The following AGO3 variants were observed in gnomAD, a reference collection of about 807,000 sequenced individuals.
AGO3 encodes protein argonaute-3.
A neutral mutation model predicts 105.5 loss-of-function variants in AGO3; 16 were observed. The observed-to-expected ratio is 0.15, with a 90% CI of 0.10 to 0.23. AGO3 has a LOEUF of 0.23. AGO3 is among the 10% of genes least tolerant of loss of function. AGO3 has a pLI of 1.00. For missense variants in AGO3, 534 were observed against 1,088.0 expected, an observed-to-expected ratio of 0.49 and a Z score of 7.16; for synonymous variants, 340 against 367.3, an observed-to-expected ratio of 0.93 and a Z score of 0.85.
intron 5 of AGO3, among the ~76,000 whole-genome samples, chr1:35,995,962 A>G (rs1639776889): frequency 6.6e-6 from 1 of 152,196 alleles, no homozygotes; most frequent in East Asian, 1.9e-4. Flanking sequence ...TACAGGCATA[A>G]GCCACTGCAC....
intron 5 of AGO3, among the ~76,000 whole-genome samples, chr1:35,977,381 C>T (rs749268650): frequency 3.6e-4 from 53 of 145,838 alleles, no homozygotes; most frequent in Admixed American, 1.4e-3. Flanking sequence ...TAGTTTCTAT[C>T]GTTATTATGA....
At chr1:36,026,980 T>C in intron 11 of AGO3, 134 bp from the exon 12 acceptor site, 8 of 972,278 alleles carry the variant, frequency 8.2e-6, no homozygotes, top group Non-Finnish European at 1.2e-5. Flanking sequence ...ACATCAGTAG[T>C]CTGGTGACCT....
intron 2 of AGO3, among the ~76,000 whole-genome samples, chr1:35,962,276 G>T (rs1646690616): frequency 6.6e-6 from 1 of 152,136 alleles, no homozygotes; most frequent in Admixed American, 6.5e-5. Flanking sequence ...AGGCGCCGTG[G>T]CTCACACCTG....
chr1:36,045,864 A>G (rs1642448466), intron 17 of AGO3, among the ~76,000 whole-genome samples: 1 of 152,074 alleles, frequency 6.6e-6, no homozygotes, highest in South Asian at 2.1e-4. Flanking sequence ...TTTTAATGAA[A>G]ATAACTGAGG....
chr1:36,026,335 T>C (rs1641501629), intron 11 of AGO3, among the ~76,000 whole-genome samples: 1 of 152,076 alleles, frequency 6.6e-6, no homozygotes, highest in Admixed American at 6.6e-5. Context: ...CTCGAACTCC[T>C]GACCTCAAGT....
At chr1:36,042,725 A>C (rs1233091863) in intron 16 of AGO3, among the ~76,000 whole-genome samples, 3 of 152,192 alleles carry the variant, frequency 2.0e-5, no homozygotes, top group Admixed American at 2.0e-4. Context: ...TGTATCATCA[A>C]GAATTTTGGG....
intron 17 of AGO3, among the ~76,000 whole-genome samples, chr1:36,048,947 TCCAC>T: frequency 6.6e-6 from 1 of 152,284 alleles, no homozygotes; most frequent in Admixed American, 6.5e-5. Flanking sequence ...GCTCAAGCAA[TCCAC>T]CTGCCTCATC....
At chr1:35,972,672 TTTA>T (rs936211186) in intron 4 of AGO3, among the ~76,000 whole-genome samples, 3 of 151,930 alleles carry the variant, frequency 2.0e-5, no homozygotes, top group Admixed American at 6.6e-5. Flanking sequence ...CCGTGTATTT[TTTA>T]TTGTTTGGTT....
Position 35,994,117 on chromosome 1 carries a change from C to T in AGO3, c.659-10224C>T, listed in dbSNP as rs1303976530. Reference sequence around the variant, plus strand: ...CCAGGCTGGAATGCAGTAGTGTGATCATGGCTCACTGCAGCCTCAACCTCC... The same window carrying T: ...CCAGGCTGGAATGCAGTAGTGTGATTATGGCTCACTGCAGCCTCAACCTCC... On this transcript the variant is annotated intron_variant, in intron 5 of 18. Coordinates refer to ENST00000373191, the MANE Select transcript of AGO3 (RefSeq NM_024852.4). 3.1e-5 allele frequency among the ~76,000 whole-genome samples: 4 copies of T among 127,866 alleles called. No homozygotes were observed. The East Asian group carries it at 7.8e-4, about 25-fold the overall frequency. The allele number at this position is 127,866 out of a possible 152,430, so 83.9% of individuals were successfully genotyped here.
chr1:35,999,835 A>G (rs1640002518), intron 5 of AGO3, among the ~76,000 whole-genome samples: 2 of 152,176 alleles, frequency 1.3e-5, no homozygotes, highest in South Asian at 4.1e-4. Flanking sequence ...CCAACCTTTT[A>G]ACTTTTTATT....
In AGO3 at chr1:35,932,530, G is replaced by C. The variant is rs1646071300; in HGVS notation, c.19+1085G>C. The stretch of plus-strand genomic sequence containing the variant: ...GTTGCAAAAAAGCACTCAAACTGGG[G>C]AGATGAGATGGGGAGAGAGTTACAA... On this transcript the variant is annotated intron_variant, in intron 1 of 18. Coordinates refer to ENST00000373191, the MANE Select transcript of AGO3 (RefSeq NM_024852.4). Among the ~76,000 whole-genome samples the C allele has an allele frequency of 2.6e-5, 4 of 151,868 alleles. No homozygotes were observed. The South Asian group carries it at 8.3e-4, about 31-fold the overall frequency.
chr1:35,975,503 G>T (rs1287498855), intron 5 of AGO3, among the ~76,000 whole-genome samples: 1 of 151,608 alleles, frequency 6.6e-6, no homozygotes, highest in Admixed American at 6.6e-5. Context: ...TTTTACCTAG[G>T]TTGCTATTTG....
In AGO3 at chr1:36,027,945, A is replaced by C. The variant is rs1394406032; in HGVS notation, c.1591+647A>C. On this transcript the variant is annotated intron_variant, in intron 12 of 18. Coordinates refer to ENST00000373191, the MANE Select transcript of AGO3 (RefSeq NM_024852.4). This position sits in a 1 kb window ranked among gnomAD's most constrained non-coding sequence, Gnocchi z 4.0. ...AAACTGTGTTGCTCAATATTCAGGT[A>C]CTGCCGGTTCTACTACCTGTGTGAT... Among the ~76,000 whole-genome samples, 18 of 152,210 alleles carry C rather than the reference A, an allele frequency of 1.2e-4. No homozygotes were observed. The highest frequency in any genetic ancestry group is 1.2e-3 in the Admixed American group (18 of 15,280).
chr1:35,961,990 T>C (rs1218664095), intron 2 of AGO3, among the ~76,000 whole-genome samples: 1 of 152,210 alleles, frequency 6.6e-6, no homozygotes, highest in African/African-American at 2.4e-5. Flanking sequence ...TTTATTTTGT[T>C]CATTGTTGTA....
chr1:35,989,136 T>C (rs1647379008), intron 5 of AGO3, among the ~76,000 whole-genome samples: 1 of 152,208 alleles, frequency 6.6e-6, no homozygotes, highest in South Asian at 2.1e-4. Context: ...GGATCCATTG[T>C]AGTCTCACTG....
At chr1:35,955,754 C>T (rs113482133) in intron 2 of AGO3, among the ~76,000 whole-genome samples, 5,374 of 152,090 alleles carry the variant, frequency 0.035, 127 homozygotes, top group Non-Finnish European at 0.048. Context: ...ACCACCATGC[C>T]CGGCTAATTT....
intron 17 of AGO3, among the ~76,000 whole-genome samples, chr1:36,052,656 A>C (rs944700836): frequency 6.6e-6 from 1 of 152,192 alleles, no homozygotes; most frequent in Non-Finnish European, 1.5e-5. Flanking sequence ...CCTCATAAAT[A>C]TGTGTAATTA....
chr1:36,018,447 T>C (rs369644556), intron 11 of AGO3, among the ~76,000 whole-genome samples: 1 of 151,918 alleles, frequency 6.6e-6, no homozygotes, highest in Admixed American at 6.5e-5. Context: ...TTTTTTTTTG[T>C]TTTTTGGTTT....
At chr1:35,971,343 G>A (rs1289989983) in intron 3 of AGO3, among the ~76,000 whole-genome samples, 2 of 150,740 alleles carry the variant, frequency 1.3e-5, no homozygotes, top group East Asian at 3.9e-4. Context: ...ATTTTTAGTA[G>A]AGACAGGGTT....
Sources: gnomAD v4.1 joint callset for allele counts (sites outside exome capture counted in the v4.1 genomes callset) on GRCh38, gnomAD v4.1.1 for gene constraint, Gnocchi (gnomAD v3.1) non-coding constraint, MANE v1.5 for transcripts, NCBI Gene and HGNC (gene_info 2026-07-23, HGNC 2026-07-21) for gene names.